ANK3: variants seen among roughly 807,000 people sequenced by gnomAD.
ANK3 encodes the protein ankyrin 3, also known as ankyrin-3.
Under a neutral mutation model 370.9 loss-of-function variants are expected in ANK3, and 57 were observed. The ratio of observed to expected loss-of-function variants is 0.15; its 90% CI spans 0.12 to 0.19. The LOEUF is 0.19. Among genes scored for constraint, ANK3 ranks in the 10% least tolerant of loss-of-function variants. ANK3 has a pLI of 1.00. For synonymous variants in ANK3, 1,929 were observed against 1,946.3 expected, an observed-to-expected ratio of 0.99 and a Z score of 0.23; for missense variants, 4,439 against 5,302.1, an observed-to-expected ratio of 0.84 and a Z score of 5.06.
chr10:60,043,107 A>G (rs1176132837), intron 42 of ANK3: 22 of 1,032,538 alleles, frequency 2.1e-5, no homozygotes, highest in African/African-American at 3.4e-5. Flanking sequence ...ATCTGTTGCA[A>G]TGAGATTCAG....
chr10:60,448,616 C>A (rs988911408), intron 2 of ANK3, among the ~76,000 whole-genome samples: 1 of 152,190 alleles, frequency 6.6e-6, no homozygotes, highest in Non-Finnish European at 1.5e-5. Flanking sequence ...TAGTTACCTG[C>A]TTCGTGCATT....
intron 1 of ANK3, among the ~76,000 whole-genome samples, chr10:60,696,030 G>A (rs994506510): frequency 2.7e-5 from 4 of 150,854 alleles, no homozygotes; most frequent in African/African-American, 9.8e-5. Flanking sequence ...AAAAAAGAGA[G>A]AAGAATCAAA....
At chr10:60,166,676 A>C (rs1239463893) in intron 22 of ANK3, 23 bp from the exon 23 acceptor site, 1 of 1,611,672 alleles carries the variant, frequency 6.2e-7, no homozygotes, top group South Asian at 1.1e-5. Context: ...AGTGAACAAT[A>C]TAAGTGGATG....
chr10:60,155,827 A>AC (rs777679908), intron 23 of ANK3, among the ~76,000 whole-genome samples: 3 of 152,014 alleles, frequency 2.0e-5, no homozygotes, highest in Non-Finnish European at 2.9e-5. Flanking sequence ...CAAACATCTG[A>AC]CCCCAAGTTC....
At chr10:60,684,486 C>A in intron 1 of ANK3, 1 of 1,377,890 alleles carries the variant, frequency 7.3e-7, no homozygotes. Context: ...CAATTTGGGA[C>A]ATTTATTTGC....
At chr10:60,301,123 G>GAT (rs34302629) in intron 1 of ANK3, among the ~76,000 whole-genome samples, 28,315 of 134,660 alleles carry the variant, frequency 0.21, 3,156 homozygotes, top group African/African-American at 0.33. Flanking sequence ...GAATACTTCC[G>GAT]ATATATATAT....
At chr10:60,294,206 T>C (rs553788019) in intron 1 of ANK3, among the ~76,000 whole-genome samples, 2 of 152,196 alleles carry the variant, frequency 1.3e-5, no homozygotes, top group Non-Finnish European at 2.9e-5. Context: ...TTAGTGTGCA[T>C]AGACTTAATA....
intron 1 of ANK3, among the ~76,000 whole-genome samples, chr10:60,715,247 A>G (rs866051534): frequency 1.3e-5 from 1 of 78,252 alleles, no homozygotes; most frequent in Non-Finnish European, 3.0e-5. Flanking sequence ...GTGTGTGTGT[A>G]TAAAATTGCT....
At chr10:60,709,938 T>C (rs569255356) in intron 1 of ANK3, among the ~76,000 whole-genome samples, 6 of 152,204 alleles carry the variant, frequency 3.9e-5, no homozygotes, top group Non-Finnish European at 8.8e-5. Flanking sequence ...GTTTACAAGA[T>C]GAATCATCTG....
intron 2 of ANK3, among the ~76,000 whole-genome samples, chr10:60,593,387 C>T (rs1310750508): frequency 2.6e-5 from 4 of 152,050 alleles, no homozygotes; most frequent in Non-Finnish European, 5.9e-5. Flanking sequence ...GATTTCTACC[C>T]CAGGATATCG....
intron 2 of ANK3, among the ~76,000 whole-genome samples, chr10:60,612,262 G>C (rs2078211353): frequency 1.3e-5 from 2 of 152,100 alleles, no homozygotes; most frequent in African/African-American, 4.8e-5. Flanking sequence ...GACATTCTTT[G>C]AAATTATGAC....
Position 60,027,428 on chromosome 10 carries a change from G to A in ANK3, c.*2418C>T, listed in dbSNP as rs1369010936. ...GATGCAACCTAGCCCCATTCTTTATGCAAAGTAGATTATCCGTGCATTTCT... is the reference window on the plus strand; with the variant it reads ...GATGCAACCTAGCCCCATTCTTTATACAAAGTAGATTATCCGTGCATTTCT... On this transcript the variant is annotated 3_prime_UTR_variant, in exon 44 of 44. Transcript: ENST00000280772. 2 of 151,370 alleles carry A rather than the reference G, an allele frequency of 1.3e-5. No homozygotes were observed. Among genetic ancestry groups the A allele is most frequent in the African/African-American group, 4.9e-5 (2 of 41,196 alleles). 9.4% of individuals were successfully genotyped at this position (151,370 alleles called of 1,614,324 possible).
At chr10:60,367,842 G>A (rs1457897491) in intron 1 of ANK3, among the ~76,000 whole-genome samples, 1 of 152,166 alleles carries the variant, frequency 6.6e-6, no homozygotes, top group Non-Finnish European at 1.5e-5. Flanking sequence ...GATAACCATC[G>A]CTTTCAGAAA....
intron 1 of ANK3, among the ~76,000 whole-genome samples, chr10:60,722,480 T>C (rs1029580451): frequency 8.5e-5 from 13 of 152,176 alleles, no homozygotes; most frequent in South Asian, 6.2e-4. Context: ...AAAAATTAAT[T>C]GCCAAAACCT....
chr10:60,086,814 G>A lies in ANK3; in HGVS notation c.3611C>T (p.Thr1204Ile), dbSNP rs758470343. 3 of 1,613,942 alleles carry A rather than the reference G, an allele frequency of 1.9e-6. No homozygotes were observed. Among genetic ancestry groups the A allele is most frequent in the Admixed American group, 3.3e-5 (2 of 60,004 alleles). The change falls in exon 30 of 44, where the codon ACT (threonine) becomes ATT (isoleucine). Residue 1204 changes from threonine to isoleucine, a missense_variant. This residue lies in a region of ANK3 where 702 missense variants were observed against 941.5 expected (regional missense o/e 0.75). Coordinates refer to ENST00000280772, the MANE Select transcript of ANK3 (RefSeq NM_020987.5). ...GAATTTCCGTCTTCTTGGTTCCACA[G>A]TGACAATTGGGCTAAAAGTTGCTTT... is the stretch of plus-strand genomic sequence containing the variant. ...GNKATFSPIV[T>I]VEPRRRKFHK...
At chr10:60,640,905 A>C (rs1363190550) in intron 1 of ANK3, among the ~76,000 whole-genome samples, 2 of 79,602 alleles carry the variant, frequency 2.5e-5, no homozygotes, top group African/African-American at 8.2e-5. Context: ...GTCTCAGCCC[A>C]AAATCTCCTT....
intron 1 of ANK3, among the ~76,000 whole-genome samples, chr10:60,707,083 CA>C (rs1241991701): frequency 3.3e-5 from 5 of 152,036 alleles, no homozygotes; most frequent in Admixed American, 1.3e-4. Context: ...TCAATAATTA[CA>C]GTAATGTCAC....
intron 17 of ANK3, 147 bp downstream of exon 17, chr10:60,186,568 G>A (rs2096340677): frequency 2.1e-6 from 2 of 931,558 alleles, no homozygotes; most frequent in African/African-American, 1.7e-5. Flanking sequence ...TTTTTGCTCT[G>A]TTAAGTAACA....
Position 60,693,062 on chromosome 10 carries a change from G to A in ANK3, c.57+40201C>T, listed in dbSNP as rs10994473. 7.3e-3 allele frequency among the ~76,000 whole-genome samples: 1,106 copies of A among 152,330 alleles called. 9 individuals carry two copies. The highest frequency in any genetic ancestry group is 0.01 in the Non-Finnish European group (713 of 68,026). On this transcript the variant is annotated intron_variant, in intron 1 of 43. Coordinates refer to the ANK3 transcript ENST00000373827. ...GGGTGCAGTGCACCATGCACGAGCC[G>A]AAGCAGGGCGAGGCATTGCCTCACT...
Sources: allele counts gnomAD v4.1 joint callset (sites outside exome capture counted in the v4.1 genomes callset), GRCh38; gene constraint gnomAD v4.1.1; regional missense constraint gnomAD v4.1.1; transcripts MANE v1.5; gene names NCBI Gene and HGNC (gene_info 2026-07-23, HGNC 2026-07-21).